The following ENTREP2 variants were observed in gnomAD, a reference collection of about 807,000 sequenced individuals.
ENTREP2 encodes the protein endosomal transmembrane epsin interactor 2.
At chr15:29,306,094 G>A in the ENTREP2 span, among the ~76,000 whole-genome samples, 1 of 152,232 alleles carries the variant, frequency 6.6e-6, no homozygotes, top group African/African-American at 2.4e-5. Context: ...GGGCCTTGGG[G>A]CCCCAGGCAG....
chr15:29,311,812 G>C, the ENTREP2 span, among the ~76,000 whole-genome samples: 3 of 152,188 alleles, frequency 2.0e-5, no homozygotes, highest in African/African-American at 7.2e-5. Context: ...ACCTTGCCCA[G>C]CTTCCAGATA....
At chr15:29,578,657 C>G in the ENTREP2 span, among the ~76,000 whole-genome samples, 2 of 152,264 alleles carry the variant, frequency 1.3e-5, no homozygotes, top group East Asian at 1.9e-4. Flanking sequence ...TCAAACATTA[C>G]GCACTTTATG....
chr15:29,250,740 G>A, the ENTREP2 span, among the ~76,000 whole-genome samples: 1 of 152,122 alleles, frequency 6.6e-6, no homozygotes, highest in East Asian at 1.9e-4. Context: ...ATAGCACCTA[G>A]TATTTAGGAA....
the ENTREP2 span, among the ~76,000 whole-genome samples, chr15:29,552,712 A>G: frequency 6.6e-6 from 1 of 152,216 alleles, no homozygotes; most frequent in Non-Finnish European, 1.5e-5. Context: ...TTGGAAAATG[A>G]TATGTTACAC....
At chr15:29,301,507 C>T in the ENTREP2 span, among the ~76,000 whole-genome samples, 1 of 152,192 alleles carries the variant, frequency 6.6e-6, no homozygotes, top group Admixed American at 6.5e-5. Flanking sequence ...CAGAAAAACA[C>T]TTAGTAAATA....
chr15:29,294,698 G>A, the ENTREP2 span, among the ~76,000 whole-genome samples: 1 of 152,146 alleles, frequency 6.6e-6, no homozygotes, highest in Non-Finnish European at 1.5e-5. Flanking sequence ...ATATTAAAAC[G>A]CCGTGACTTT....
chr15:29,303,493 CAT>C, the ENTREP2 span, among the ~76,000 whole-genome samples: 29 of 151,644 alleles, frequency 1.9e-4, no homozygotes, highest in Non-Finnish European at 2.9e-4. Context: ...TTTAGGGACA[CAT>C]GTTATAGGGG....
At chr15:29,399,656 T>C in the ENTREP2 span, among the ~76,000 whole-genome samples, 1 of 152,182 alleles carries the variant, frequency 6.6e-6, no homozygotes, top group Non-Finnish European at 1.5e-5. Context: ...ATGTATAACA[T>C]TTTCACTCCT....
the ENTREP2 span, among the ~76,000 whole-genome samples, chr15:29,492,912 G>A: frequency 6.6e-6 from 1 of 151,400 alleles, no homozygotes; most frequent in African/African-American, 2.4e-5. Flanking sequence ...GTTGAGGCAG[G>A]AGAATCGCTT....
the ENTREP2 span, among the ~76,000 whole-genome samples, chr15:29,404,567 C>G: frequency 3.5e-4 from 53 of 151,956 alleles, no homozygotes; most frequent in East Asian, 1.9e-4. Flanking sequence ...CTTCCTCCCC[C>G]ACTCACACTC....
the ENTREP2 span, among the ~76,000 whole-genome samples, chr15:29,622,878 G>A: frequency 6.6e-6 from 1 of 152,288 alleles, no homozygotes; most frequent in East Asian, 1.9e-4. Context: ...GGCAGAGAGC[G>A]GTGTGAGGCT....
At chr15:29,226,058 GC>G in the ENTREP2 span, among the ~76,000 whole-genome samples, 1 of 152,174 alleles carries the variant, frequency 6.6e-6, no homozygotes, top group African/African-American at 2.4e-5. Context: ...AGGGAGCGGA[GC>G]CAGGATTTGG....
At chr15:29,599,214 T>C in the ENTREP2 span, among the ~76,000 whole-genome samples, 4 of 152,232 alleles carry the variant, frequency 2.6e-5, no homozygotes, top group Non-Finnish European at 5.9e-5. Flanking sequence ...GGTTCAAATG[T>C]ATTGCTGCTG....
the ENTREP2 span, chr15:29,269,174 G>A: frequency 1.2e-6 from 2 of 1,614,106 alleles, no homozygotes; most frequent in Non-Finnish European, 1.7e-6. Flanking sequence ...ATCATCAGGA[G>A]GCCCGTAGTG....
chr15:29,351,829 G>C, the ENTREP2 span, among the ~76,000 whole-genome samples: 1 of 150,724 alleles, frequency 6.6e-6, no homozygotes, highest in Non-Finnish European at 1.5e-5. Context: ...TTTTTTGGTA[G>C]AGATGGGGTA....
At chr15:29,329,331 C>T in the ENTREP2 span, among the ~76,000 whole-genome samples, 1 of 151,284 alleles carries the variant, frequency 6.6e-6, no homozygotes, top group African/African-American at 2.4e-5. Context: ...CCACTGCACT[C>T]CAGCCTGGGT....
the ENTREP2 span, among the ~76,000 whole-genome samples, chr15:29,282,710 CCT>C: frequency 1.3e-4 from 20 of 152,220 alleles, no homozygotes; most frequent in South Asian, 6.2e-4. Context: ...GTCTTGGTCC[CCT>C]GTTTGCTTGG....
At chr15:29,627,649 C>G in the ENTREP2 span, among the ~76,000 whole-genome samples, 9 of 151,616 alleles carry the variant, frequency 5.9e-5, no homozygotes, top group African/African-American at 2.2e-4. Context: ...AGTCCTTATT[C>G]CCCGTTTTGC....
At chr15:29,573,173 A>T in the ENTREP2 span, among the ~76,000 whole-genome samples, 1 of 152,170 alleles carries the variant, frequency 6.6e-6, no homozygotes, top group African/African-American at 2.4e-5. Context: ...AAAGGTACGG[A>T]AAGAGAGCTC....
Sources: allele counts gnomAD v4.1 joint callset (sites outside exome capture counted in the v4.1 genomes callset), GRCh38; gene constraint gnomAD v4.1.1; transcripts MANE v1.5; gene names NCBI Gene and HGNC (gene_info 2026-07-23, HGNC 2026-07-21).